Variants in KCNC4 observed in about 807,000 individuals in gnomAD.
KCNC4 encodes voltage-gated potassium channel KCNC4.
Under a neutral mutation model 42.8 loss-of-function variants are expected in KCNC4, and 23 were observed. The ratio of observed to expected loss-of-function variants is 0.54; its 90% CI spans 0.39 to 0.76. The LOEUF (loss-of-function observed/expected upper bound fraction) is 0.76, where lower values mean the gene tolerates loss of function less well. Among genes scored for constraint, KCNC4 ranks in the 30% least tolerant of loss-of-function variants. The pLI is 0.00. For missense variants in KCNC4, 751 were observed against 898.2 expected, an observed-to-expected ratio of 0.84 and a Z score of 2.10; for synonymous variants, 422 against 393.5, an observed-to-expected ratio of 1.07 and a Z score of -0.86.
At position 110,223,599 on chromosome 1, in the gene KCNC4, C is replaced by T. The variant is rs761793237; in HGVS notation, c.1314C>T (p.Gly438=). The T allele has an allele frequency of 6.2e-7, 1 of 1,614,070 alleles. No individual in the cohort carries two copies. Among genetic ancestry groups the T allele is most frequent in the Admixed American group, 1.7e-5 (1 of 60,028 alleles). Reference sequence around the variant, plus strand: ...CTGTGGTCACCATGACGACACTGGGCTACGGAGACATGTACCCCAAGACGT... The same window carrying T: ...CTGTGGTCACCATGACGACACTGGGTTACGGAGACATGTACCCCAAGACGT... ...WWAVVTMTTL[G]YGDMYPKTWS... is the part of the protein sequence containing the mutation. Residue 438 remains glycine, a synonymous_variant, in exon 2 of 4, where the codon GGC becomes GGT. Coordinates refer to ENST00000438661, the MANE Select transcript of KCNC4 (RefSeq NM_001039574.3). This position sits in a 1 kb window ranked among gnomAD's most constrained non-coding sequence, Gnocchi z 7.5.
At chr1:110,224,976 G>A (rs775580527) in intron 2 of KCNC4, 2 of 152,198 alleles carry the variant, frequency 1.3e-5, no homozygotes, top group African/African-American at 4.8e-5. Flanking sequence ...CATTCCCGGG[G>A]GTCATGTCAG....
chr1:110,226,199 C>T, intron 3 of KCNC4, 21 bp downstream of exon 3: 3 of 1,609,600 alleles, frequency 1.9e-6, no homozygotes, highest in Non-Finnish European at 2.6e-6. Context: ...CCAAGCTGGA[C>T]AGGTGGGGAG....
intron 3 of KCNC4, among the ~76,000 whole-genome samples, chr1:110,230,968 T>C (rs532665533): frequency 4.6e-5 from 7 of 152,060 alleles, no homozygotes; most frequent in Non-Finnish European, 8.8e-5. Flanking sequence ...CATCTGAGAG[T>C]AGAGTTTGTT....
At chr1:110,214,389 G>A (rs1476443111) in intron 1 of KCNC4, among the ~76,000 whole-genome samples, 2 of 152,132 alleles carry the variant, frequency 1.3e-5, no homozygotes, top group Non-Finnish European at 2.9e-5. Flanking sequence ...CACTAAAAGA[G>A]GACTTGCCTC....
chr1:110,225,976 C>G lies in KCNC4; in HGVS notation c.1617C>G (p.Asp539Glu). ...CTCCTTTCTGTGTGCCCCCTTCAGA[C>G]TCTAAGCAGAATGGCGATGCCAACG... ...EEGMIERKRA[D>E]SKQNGDANAV... Residue 539 changes from aspartate (D) to glutamate (E), a missense_variant and splice_region_variant, in exon 3 of 4, where the codon GAC becomes GAG. Physicochemically the swap from Asp to Glu is conservative, Grantham distance 45. Transcript: ENST00000438661. 1 of 1,588,788 alleles carries G rather than the reference C, an allele frequency of 6.3e-7. No homozygotes were observed. Among genetic ancestry groups the G allele is most frequent in the Non-Finnish European group, 8.6e-7 (1 of 1,164,310 alleles).
exon 4 of KCNC4, chr1:110,241,779 A>G: frequency 6.6e-6 from 1 of 152,200 alleles, no homozygotes; most frequent in East Asian, 1.9e-4. Flanking sequence ...CCCAGGTAGA[A>G]TTCCTCTGTC....
intron 1 of KCNC4, among the ~76,000 whole-genome samples, chr1:110,278,868 G>C (rs372926400): frequency 2.0e-5 from 3 of 152,164 alleles, no homozygotes; most frequent in Non-Finnish European, 4.4e-5. Flanking sequence ...TCACTGCCAG[G>C]TTCCTCTCAT....
intron 1 of KCNC4, among the ~76,000 whole-genome samples, chr1:110,215,363 G>A (rs1657731903): frequency 6.6e-6 from 1 of 152,196 alleles, no homozygotes; most frequent in Non-Finnish European, 1.5e-5. Context: ...AAGGCTCACC[G>A]TGGAGACTTC....
At position 110,233,122 on chromosome 1, in the gene KCNC4, G is replaced by A. The variant is rs115357778; in HGVS notation, c.*150G>A. 603 of 915,848 alleles carry A rather than the reference G, an allele frequency of 6.6e-4. 3 individuals carry two copies. In the African/African-American group the frequency reaches 8.7e-3, roughly 13 times the overall value. The allele number at this position is 915,848 out of a possible 1,614,324, so 56.7% of individuals were successfully genotyped here. On this transcript the variant is annotated 3_prime_UTR_variant, in exon 4 of 4. Coordinates refer to ENST00000438661, the MANE Select transcript of KCNC4 (RefSeq NM_001039574.3). Reference sequence around the variant, plus strand: ...GTGGAAAATCTCCCATGCGACCCTCGGGGCCCAGAGCCATCTGGGTCTGAT... The same window carrying A: ...GTGGAAAATCTCCCATGCGACCCTCAGGGCCCAGAGCCATCTGGGTCTGAT...
intron 1 of KCNC4, chr1:110,222,150 TCAA>T (rs1658135150): frequency 6.6e-6 from 1 of 152,204 alleles, no homozygotes; most frequent in African/African-American, 2.4e-5. Flanking sequence ...GACCACCCTC[TCAA>T]CTGCCATGGT....
At chr1:110,215,646 C>A (rs531928724) in intron 1 of KCNC4, among the ~76,000 whole-genome samples, 99 of 152,350 alleles carry the variant, frequency 6.5e-4, no homozygotes, top group African/African-American at 2.1e-3. Flanking sequence ...CTCCCTGCTC[C>A]AGGAAGGCAG....
At chr1:110,256,579 A>T (rs1659335090) in intron 1 of KCNC4, among the ~76,000 whole-genome samples, 2 of 152,216 alleles carry the variant, frequency 1.3e-5, no homozygotes, top group Non-Finnish European at 2.9e-5. Context: ...TTTAGTTGTG[A>T]TTAATGAAGA....
chr1:110,232,432 G>T, intron 3 of KCNC4: 6 of 1,492,888 alleles, frequency 4.0e-6, no homozygotes, highest in Non-Finnish European at 5.4e-6. Context: ...GCTCAAGTTG[G>T]TCAGGCAACA....
chr1:110,271,237 G>A (rs1659628438), intron 1 of KCNC4, among the ~76,000 whole-genome samples: 2 of 152,190 alleles, frequency 1.3e-5, no homozygotes, highest in African/African-American at 4.8e-5. Flanking sequence ...GTATAGCTGA[G>A]CACTGATGGT....
chr1:110,255,793 C>T (rs1021449943), intron 1 of KCNC4, among the ~76,000 whole-genome samples: 2 of 152,148 alleles, frequency 1.3e-5, no homozygotes, highest in Non-Finnish European at 2.9e-5. Context: ...TCCCTGGCAC[C>T]CTCAGAAGGG....
intron 1 of KCNC4, among the ~76,000 whole-genome samples, chr1:110,278,480 C>A (rs1010978323): frequency 2.0e-5 from 3 of 152,140 alleles, no homozygotes; most frequent in Non-Finnish European, 4.4e-5. Context: ...GCCCCAACAA[C>A]AAGCAAGTAT....
At chr1:110,217,543 A>G (rs1657863209) in intron 1 of KCNC4, among the ~76,000 whole-genome samples, 1 of 152,140 alleles carries the variant, frequency 6.6e-6, no homozygotes, top group Admixed American at 6.5e-5. Flanking sequence ...ATTCCATTTG[A>G]CTGAATAGCG....
At chr1:110,232,207 C>G in intron 3 of KCNC4, 1 of 1,613,424 alleles carries the variant, frequency 6.2e-7, no homozygotes, top group Non-Finnish European at 8.5e-7. Context: ...TCCTGACCTT[C>G]TCTCCTGAGA....
intron 1 of KCNC4, among the ~76,000 whole-genome samples, chr1:110,268,977 A>G (rs1659596120): frequency 6.6e-6 from 1 of 151,870 alleles, no homozygotes; most frequent in African/African-American, 2.4e-5. Flanking sequence ...CGGCCTCCCA[A>G]AGTACTGGGA....
Sources: allele counts gnomAD v4.1 joint callset (sites outside exome capture counted in the v4.1 genomes callset), GRCh38; gene constraint gnomAD v4.1.1; non-coding constraint Gnocchi (gnomAD v3.1); transcripts MANE v1.5; gene names NCBI Gene and HGNC (gene_info 2026-07-23, HGNC 2026-07-21).